Variants in CCDC88C observed in about 807,000 individuals in gnomAD.
CCDC88C encodes the protein coiled-coil and HOOK domain protein 88C.
CCDC88C carries 131 observed loss-of-function variants against 198.8 expected under a neutral mutation model. The observed-to-expected ratio is 0.66, with a 90% confidence interval of 0.57 to 0.76. The LOEUF (loss-of-function observed/expected upper bound fraction) is 0.76. CCDC88C is among the 30% of genes least tolerant of loss of function. CCDC88C has a pLI of 0.00. For missense variants in CCDC88C, 2,553 were observed against 2,631.6 expected, an observed-to-expected ratio of 0.97 and a Z score of 0.65; for synonymous variants, 1,166 against 1,114.7, an observed-to-expected ratio of 1.05 and a Z score of -0.92.
chr14:91,346,099 T>C (rs1893535512), intron 4 of CCDC88C, among the ~76,000 whole-genome samples: 1 of 152,196 alleles, frequency 6.6e-6, no homozygotes, highest in Non-Finnish European at 1.5e-5. Flanking sequence ...CAAACCGCCG[T>C]CCTGAGAACC....
At chr14:91,380,425 T>C (rs1197756865) in intron 3 of CCDC88C, among the ~76,000 whole-genome samples, 2 of 152,218 alleles carry the variant, frequency 1.3e-5, no homozygotes, top group Non-Finnish European at 2.9e-5. Flanking sequence ...GCCAAAAAGT[T>C]GTCATTAGAA....
intron 16 of CCDC88C, 116 bp from the exon 17 acceptor site, chr14:91,308,608 A>G: frequency 9.0e-7 from 1 of 1,112,690 alleles, no homozygotes; most frequent in South Asian, 1.4e-5. Context: ...GAGCTGCTGC[A>G]GCTTTTGGCC....
chr14:91,373,467 G>C (rs2097045721), intron 3 of CCDC88C, among the ~76,000 whole-genome samples: 1 of 152,136 alleles, frequency 6.6e-6, no homozygotes, highest in Non-Finnish European at 1.5e-5. Flanking sequence ...GGATAAATAA[G>C]ACTGTAATTA....
chr14:91,416,844 G>C lies in CCDC88C; in HGVS notation c.61-6C>G. The stretch of plus-strand genomic sequence containing the variant: ...AACGGGCCAAAAGTTTTCACCTGCG[G>C]GGAGGGGGACGAGGAGAGAAAGACA... On this transcript the variant is annotated splice_region_variant and splice_polypyrimidine_tract_variant and intron_variant, in intron 1 of 29. Coordinates refer to ENST00000389857, the MANE Select transcript of CCDC88C (RefSeq NM_001080414.4). 1.2e-6 allele frequency: 2 copies of C among 1,605,570 alleles called. No homozygotes were observed.
intron 3 of CCDC88C, among the ~76,000 whole-genome samples, chr14:91,372,528 C>CGGGGGGGGGGGGGGGGG (rs199749681): frequency 1.6e-4 from 4 of 24,534 alleles, no homozygotes; most frequent in Admixed American, 3.6e-4. Context: ...GGCAGTGGTG[C>CGGGGGGGGGGGGGGGGG]GGGGGGGGGC....
At chr14:91,390,452 T>C (rs1052233853) in intron 3 of CCDC88C, among the ~76,000 whole-genome samples, 15 of 152,170 alleles carry the variant, frequency 9.9e-5, no homozygotes, top group Non-Finnish European at 1.8e-4. Context: ...AAAACCAAGC[T>C]GGCATCTCAG....
At chr14:91,372,683 T>A (rs1429018046) in intron 3 of CCDC88C, among the ~76,000 whole-genome samples, 1 of 152,040 alleles carries the variant, frequency 6.6e-6, no homozygotes, top group Non-Finnish European at 1.5e-5. Context: ...AGAACCACCG[T>A]TCAGGGAGTC....
At chr14:91,316,448 G>A (rs901344270) in intron 13 of CCDC88C, among the ~76,000 whole-genome samples, 3 of 151,140 alleles carry the variant, frequency 2.0e-5, no homozygotes, top group Non-Finnish European at 2.9e-5. Context: ...TTGAGATGGA[G>A]TTTTGCTCTT....
chr14:91,273,596 G>GA lies in CCDC88C; in HGVS notation c.5115dup (p.Pro1706SerfsTer54). On this transcript the variant is annotated frameshift_variant, in exon 30 of 30. Transcript: ENST00000389857. LOFTEE classifies it low-confidence loss of function (END_TRUNC). This position sits in a 1 kb window ranked among gnomAD's most constrained non-coding sequence, Gnocchi z 5.6. ...CCTGGTTGGCCTCCGATGGCTGGGG[G>GA]ATCGCTGGCCTTTCGGAAGTAGTCA... is the stretch of plus-strand genomic sequence containing the variant. 4.7e-6 allele frequency: 7 copies of GA among 1,495,218 alleles called. No individual in the cohort carries two copies. The highest frequency in any genetic ancestry group is 6.2e-6 in the Non-Finnish European group (7 of 1,121,440). The allele number at this position is 1,495,218 out of a possible 1,614,324, so 92.6% of individuals were successfully genotyped here.
chr14:91,390,915 C>A (rs1327850899), intron 3 of CCDC88C, among the ~76,000 whole-genome samples: 4 of 152,156 alleles, frequency 2.6e-5, no homozygotes, highest in East Asian at 1.9e-4. Context: ...GTTTTAAGGT[C>A]TTGGGCTCTG....
chr14:91,298,226 G>A (rs1891101879), intron 21 of CCDC88C, among the ~76,000 whole-genome samples: 1 of 152,162 alleles, frequency 6.6e-6, no homozygotes, highest in South Asian at 2.1e-4. Context: ...CTTGAGGCCA[G>A]TTCCACACCA....
At position 91,339,351 on chromosome 14, in the gene CCDC88C, TAG is replaced by T; in HGVS notation, c.734_735del (p.Ser245Ter). Reference protein sequence around the residue: ...DSTPSPTSSLSSEDKQHLAVE... With the variant: ...DSTPSPTSSLXSEDKQHLAVE... ...ACGGCCAGGTGCTGCTTGTCTTCGCTAGAGAGGCTGCTGGTGGGGCTGGGAGT... is the reference window on the plus strand; with the variant it reads ...ACGGCCAGGTGCTGCTTGTCTTCGCTAGAGGCTGCTGGTGGGGCTGGGAGT... On this transcript the variant is annotated frameshift_variant, in exon 8 of 30. Coordinates refer to ENST00000389857, the MANE Select transcript of CCDC88C (RefSeq NM_001080414.4). LOFTEE classifies it high-confidence loss of function. The surrounding 1 kb of genome is among the most constrained non-coding windows in gnomAD (Gnocchi z 5.8). The T allele has an allele frequency of 6.2e-7, 1 of 1,613,814 alleles. No individual in the cohort carries two copies. The highest frequency in any genetic ancestry group is 8.5e-7 in the Non-Finnish European group (1 of 1,179,870).
Position 91,339,189 on chromosome 14 carries a change from C to A in CCDC88C, c.809+89G>T. The A allele has an allele frequency of 6.8e-7, 1 of 1,475,782 alleles. No individual in the cohort carries two copies. The highest frequency in any genetic ancestry group is 9.3e-7 in the Non-Finnish European group (1 of 1,073,618). 91.4% of individuals were successfully genotyped at this position (1,475,782 alleles called of 1,614,324 possible). A position where few individuals can be genotyped will look rare whatever the true frequency, so the allele number is the denominator to read the frequency against. On this transcript the variant is annotated intron_variant, in intron 8 of 29. Transcript: ENST00000389857. The surrounding 1 kb of genome is among the most constrained non-coding windows in gnomAD (Gnocchi z 5.8). ...TCCGGGGCACACGTCAGAGCTGTGC[C>A]ATTGGCAGCACCACACATGTGAGTC...
chr14:91,336,115 A>C (rs1027525414), intron 10 of CCDC88C, among the ~76,000 whole-genome samples: 2 of 152,212 alleles, frequency 1.3e-5, no homozygotes, highest in African/African-American at 4.8e-5. Flanking sequence ...GTAATTTTCC[A>C]CTATGAAAGT....
Position 91,339,408 on chromosome 14 carries a change from T to C in CCDC88C, c.679A>G (p.Ser227Gly). The C allele has an allele frequency of 6.2e-7, 1 of 1,612,504 alleles. No individual in the cohort carries two copies. The highest frequency in any genetic ancestry group is 1.1e-5 in the South Asian group (1 of 90,964). Residue 227 changes from serine (S) to glycine (G), a missense_variant, in exon 8 of 30, where the codon AGC becomes GGC. Transcript: ENST00000389857. This position sits in a 1 kb window ranked among gnomAD's most constrained non-coding sequence, Gnocchi z 5.8. ...TCGGCGCTGGAGGACTTGATGGGGC[T>C]GGGTGGATGCTGTGCCTGCAGGTAG... ...RDYLQAQHPPSPIKSSSADST... is the reference protein window; with the variant it reads ...RDYLQAQHPPGPIKSSSADST...
intron 3 of CCDC88C, among the ~76,000 whole-genome samples, chr14:91,363,891 C>G (rs924135210): frequency 7.2e-5 from 11 of 152,360 alleles, no homozygotes; most frequent in Admixed American, 5.2e-4. Flanking sequence ...CGAGGGGACC[C>G]TCCCACGTGG....
At chr14:91,337,862 A>G (rs1246397613) in intron 10 of CCDC88C, 143 bp downstream of exon 10, 3 of 968,032 alleles carry the variant, frequency 3.1e-6, no homozygotes, top group Non-Finnish European at 4.6e-6. Context: ...TGGGAAGCCC[A>G]GGCAGGCTGA....
intron 22 of CCDC88C, among the ~76,000 whole-genome samples, 162 bp from the exon 23 acceptor site, chr14:91,294,480 G>C: frequency 6.6e-6 from 1 of 152,256 alleles, no homozygotes; most frequent in East Asian, 1.9e-4. Flanking sequence ...AATAACGTGG[G>C]AATGGCTGAG....
At chr14:91,387,978 C>T (rs1314497654) in intron 3 of CCDC88C, among the ~76,000 whole-genome samples, 1 of 152,190 alleles carries the variant, frequency 6.6e-6, no homozygotes, top group Admixed American at 6.5e-5. Flanking sequence ...CCTCACTCTA[C>T]AAGGGGTGGG....
Sources: allele counts gnomAD v4.1 joint callset (sites outside exome capture counted in the v4.1 genomes callset), GRCh38; gene constraint gnomAD v4.1.1; non-coding constraint Gnocchi (gnomAD v3.1); transcripts MANE v1.5; gene names NCBI Gene and HGNC (gene_info 2026-07-23, HGNC 2026-07-21).